Variants in MMAA observed in about 807,000 individuals in gnomAD.
MMAA encodes the protein metabolism of cobalamin associated A.
MMAA carries 41 observed loss-of-function variants against 45.0 expected under a neutral mutation model. That is an observed-to-expected ratio of 0.91 (90% CI 0.71 to 1.18). The LOEUF (loss-of-function observed/expected upper bound fraction) is 1.18, where lower values mean the gene tolerates loss of function less well. MMAA is among the 50% of genes most tolerant of loss of function. MMAA has a pLI of 0.00. For synonymous variants in MMAA, 154 were observed against 178.2 expected (o/e 0.86, Z 1.08); for missense variants, 460 against 495.7 (o/e 0.93, Z 0.68).
rs1365133811 is a variant in MMAA at position 145,657,797 on chromosome 4, G to A, written c.*2363G>A. On this transcript the variant is annotated 3_prime_UTR_variant, in exon 7 of 7. Transcript: ENST00000649156. ...TGGGGATGACAATAGTGTCCACCTA[G>A]AGCAGGACTATTTTAGTATTACATA... 2 of 152,184 alleles carry A rather than the reference G, an allele frequency of 1.3e-5. No individual in the cohort carries two copies. Among genetic ancestry groups the A allele is most frequent in the Non-Finnish European group, 2.9e-5 (2 of 68,036 alleles). 9.4% of individuals were successfully genotyped at this position (152,184 alleles called of 1,614,324 possible). A position where few individuals can be genotyped will look rare whatever the true frequency, so the allele number is the denominator to read the frequency against.
intron 1 of MMAA, among the ~76,000 whole-genome samples, chr4:145,621,454 G>C (rs997733377): frequency 3.9e-5 from 6 of 152,016 alleles, no homozygotes; most frequent in Admixed American, 1.3e-4. Context: ...TCATGAATTT[G>C]GTATTTGTTC....
intron 1 of MMAA, chr4:145,626,108 C>T: frequency 1.7e-6 from 1 of 604,110 alleles, no homozygotes. Context: ...TGAGACACGG[C>T]CCCACACAAA....
chr4:145,651,177 T>C, intron 5 of MMAA, 30 bp downstream of exon 5: 1 of 1,543,450 alleles, frequency 6.5e-7, no homozygotes, highest in Non-Finnish European at 9.0e-7. Context: ...CCCCCAAAAA[T>C]ATAAAATGTA....
intron 3 of MMAA, among the ~76,000 whole-genome samples, chr4:145,645,226 G>A (rs1727893896): frequency 6.6e-6 from 1 of 152,090 alleles, no homozygotes; most frequent in Non-Finnish European, 1.5e-5. Context: ...AGAAAGGGGA[G>A]GGACACTAAA....
chr4:145,630,284 A>T (rs761278445), intron 1 of MMAA, among the ~76,000 whole-genome samples: 4 of 152,298 alleles, frequency 2.6e-5, no homozygotes, highest in South Asian at 2.1e-4. Context: ...CAATTTATTG[A>T]CATATACTTG....
At chr4:145,636,656 C>T (rs558980403) in intron 1 of MMAA, among the ~76,000 whole-genome samples, 3 of 152,342 alleles carry the variant, frequency 2.0e-5, no homozygotes, top group African/African-American at 7.2e-5. Context: ...CCTGCCTCAA[C>T]CTTCTTCAAC....
At chr4:145,632,151 T>C (rs4835010) in intron 1 of MMAA, among the ~76,000 whole-genome samples, 77,348 of 152,126 alleles carry the variant, frequency 0.51, 21,143 homozygotes, top group African/African-American at 0.72. Context: ...TTTTCTTTCT[T>C]GCTGAAGTGT....
At chr4:145,640,956 A>G (rs1406530783) in intron 2 of MMAA, among the ~76,000 whole-genome samples, 1 of 152,198 alleles carries the variant, frequency 6.6e-6, no homozygotes, top group Non-Finnish European at 1.5e-5. Context: ...ATTTCATGTT[A>G]CATTACACCT....
chr4:145,624,429 CTT>C, intron 1 of MMAA: 1 of 794,046 alleles, frequency 1.3e-6, no homozygotes. Context: ...GCTCATGGGG[CTT>C]TTTAGCTTTT....
chr4:145,646,602 G>GA (rs894620702), intron 4 of MMAA: 2 of 183,514 alleles, frequency 1.1e-5, no homozygotes, highest in Admixed American at 5.5e-5. Context: ...ACACTGAAAT[G>GA]AAAACCCTAA....
intron 1 of MMAA, among the ~76,000 whole-genome samples, chr4:145,628,838 T>G (rs1358139374): frequency 1.3e-5 from 2 of 152,188 alleles, no homozygotes; most frequent in African/African-American, 4.8e-5. Context: ...ATACCACTCC[T>G]CTGTAGATGA....
intron 1 of MMAA, chr4:145,625,823 A>C (rs1394921779): frequency 1.7e-6 from 2 of 1,177,662 alleles, no homozygotes; most frequent in African/African-American, 3.0e-5. Flanking sequence ...CCACCTGTTC[A>C]TTTAGTCACA....
chr4:145,654,855 T>C (rs1020927107), intron 6 of MMAA, among the ~76,000 whole-genome samples: 1 of 152,236 alleles, frequency 6.6e-6, no homozygotes, highest in East Asian at 1.9e-4. Context: ...TCCTCTATGA[T>C]GCCCCTGACC....
At chr4:145,634,593 T>G (rs1727556696) in intron 1 of MMAA, among the ~76,000 whole-genome samples, 1 of 151,776 alleles carries the variant, frequency 6.6e-6, no homozygotes, top group Non-Finnish European at 1.5e-5. Context: ...CCAGACAAAT[T>G]CCTCTTTACT....
At chr4:145,646,930 A>C (rs897877076) in intron 4 of MMAA, among the ~76,000 whole-genome samples, 1 of 152,200 alleles carries the variant, frequency 6.6e-6, no homozygotes, top group Non-Finnish European at 1.5e-5. Context: ...GGGACCTTAC[A>C]TGCCATGCCA....
At chr4:145,619,921 G>T (rs1734057381) in intron 1 of MMAA, among the ~76,000 whole-genome samples, 1 of 152,122 alleles carries the variant, frequency 6.6e-6, no homozygotes, top group Non-Finnish European at 1.5e-5. Flanking sequence ...ATGGCGTGCC[G>T]GGCAGGGTCT....
intron 1 of MMAA, among the ~76,000 whole-genome samples, chr4:145,627,811 C>T (rs1274774096): frequency 6.6e-6 from 1 of 152,068 alleles, no homozygotes; most frequent in African/African-American, 2.4e-5. Flanking sequence ...AAAAAATCTA[C>T]CATGCTCAAA....
intron 1 of MMAA, among the ~76,000 whole-genome samples, chr4:145,632,875 G>C (rs113023633): frequency 6.6e-6 from 1 of 151,424 alleles, no homozygotes; most frequent in Non-Finnish European, 1.5e-5. Context: ...CTGTCACCTC[G>C]GCCTCCTGAG....
chr4:145,622,202 T>TGATAGTGAATGAGTCTCATGG (rs1734101683), intron 1 of MMAA, among the ~76,000 whole-genome samples: 2 of 152,184 alleles, frequency 1.3e-5, no homozygotes, highest in African/African-American at 4.8e-5. Context: ...GCTGTTCTCA[T>TGATAGTGAATGAGTCTCATGG]GATAGTGAAT....
Sources: allele counts gnomAD v4.1 joint callset (sites outside exome capture counted in the v4.1 genomes callset), GRCh38; gene constraint gnomAD v4.1.1; transcripts MANE v1.5; gene names NCBI Gene and HGNC (gene_info 2026-07-23, HGNC 2026-07-21).